MINK1: variants seen among roughly 807,000 people sequenced by gnomAD.
MINK1 encodes the protein misshapen like kinase 1, also known as misshapen-like kinase 1.
In MINK1, 46 loss-of-function variants were observed where a neutral mutation model predicts 178.4. The observed-to-expected ratio is 0.26, with a 90% CI of 0.20 to 0.33. The LOEUF is 0.33. MINK1 is among the 10% of genes least tolerant of loss of function. MINK1 has a pLI of 1.00. For synonymous variants in MINK1, 797 were observed against 709.7 expected (o/e 1.12, Z -1.96); for missense variants, 1,366 against 1,814.9 (o/e 0.75, Z 4.49).
At chr17:4,867,969 CTCTT>C (rs1915286681) in intron 1 of MINK1, among the ~76,000 whole-genome samples, 1 of 149,232 alleles carries the variant, frequency 6.7e-6, no homozygotes, top group Non-Finnish European at 1.5e-5. Flanking sequence ...TATCTTCTAG[CTCTT>C]TTTTTTTTTT....
At chr17:4,872,088 G>C (rs932982710) in intron 1 of MINK1, among the ~76,000 whole-genome samples, 1 of 152,152 alleles carries the variant, frequency 6.6e-6, no homozygotes, top group Admixed American at 6.6e-5. Context: ...CCCGCACTTT[G>C]GGAGGCCGAG....
chr17:4,892,297 C>A, intron 17 of MINK1, 63 bp downstream of exon 17: 1 of 1,501,962 alleles, frequency 6.7e-7, no homozygotes, highest in Non-Finnish European at 9.0e-7. Context: ...GTAGGGGGGG[C>A]ACAGGGACTT....
intron 1 of MINK1, among the ~76,000 whole-genome samples, chr17:4,871,936 T>C (rs1300312735): frequency 6.6e-6 from 1 of 152,102 alleles, no homozygotes; most frequent in African/African-American, 2.4e-5. Flanking sequence ...AGCCTCAAAC[T>C]CCTGGACTTA....
chr17:4,893,116 T>C, intron 20 of MINK1, 49 bp downstream of exon 20: 1 of 1,539,744 alleles, frequency 6.5e-7, no homozygotes, highest in Non-Finnish European at 8.8e-7. Flanking sequence ...GGTTTGGGGC[T>C]TAGCCTCAGG....
At chr17:4,883,681 G>C (rs200493368) in intron 4 of MINK1, among the ~76,000 whole-genome samples, 1 of 142,532 alleles carries the variant, frequency 7.0e-6, no homozygotes, top group South Asian at 2.2e-4. Context: ...ACAGGAGCCC[G>C]CCACCACGCC....
rs1436751057 is a variant in MINK1 at position 4,898,020 on chromosome 17, T to A, written c.*733T>A. Reference sequence around the variant, plus strand: ...CCCTCCTCAATGTAGTGGCCTTGGATATCCTGTTTGTTAATAAAGACAATT... The same window carrying A: ...CCCTCCTCAATGTAGTGGCCTTGGAAATCCTGTTTGTTAATAAAGACAATT... On this transcript the variant is annotated 3_prime_UTR_variant, in exon 32 of 32. Transcript: ENST00000355280. 7.1e-6 allele frequency: 1 copy of A among 140,808 alleles called. No homozygotes were observed. The highest frequency in any genetic ancestry group is 1.6e-5 in the Non-Finnish European group (1 of 64,164). 8.7% of individuals were successfully genotyped at this position (140,808 alleles called of 1,614,324 possible).
intron 1 of MINK1, chr17:4,875,644 C>G (rs1200250258): frequency 3.0e-6 from 1 of 338,974 alleles, no homozygotes; most frequent in Non-Finnish European, 5.8e-6. Flanking sequence ...TGGTGGCACA[C>G]GCCTGTAGTC....
chr17:4,835,100 G>A (rs967498915), intron 1 of MINK1, among the ~76,000 whole-genome samples: 1 of 152,190 alleles, frequency 6.6e-6, no homozygotes, highest in Admixed American at 6.5e-5. Context: ...GCACATGTGT[G>A]TGTGTTGATG....
At chr17:4,891,382 A>C (rs1968796212) in intron 15 of MINK1, 74 bp from the exon 16 acceptor site, 14 of 1,488,898 alleles carry the variant, frequency 9.4e-6, no homozygotes, top group Non-Finnish European at 1.3e-5. Flanking sequence ...GTCCTTTCCC[A>C]CCCCAGACCC....
chr17:4,888,660 C>CGTTCAGATAGTATA, intron 12 of MINK1, among the ~76,000 whole-genome samples: 1 of 149,078 alleles, frequency 6.7e-6, no homozygotes, highest in Non-Finnish European at 1.5e-5. Context: ...ATAAATATAG[C>CGTTCAGATAGTATA]GTTCAGATAG....
intron 1 of MINK1, among the ~76,000 whole-genome samples, chr17:4,841,522 C>T (rs78334839): frequency 0.023 from 3,435 of 150,834 alleles, 133 homozygotes; most frequent in African/African-American, 0.078. Flanking sequence ...CCCACAAAGC[C>T]CCCCCTCCGA....
Position 4,887,774 on chromosome 17 carries a change from G to C in MINK1, c.1214G>C (p.Arg405Pro). ...QRRIEEQKEERRRVEEQQRRE... is the reference protein window; with the variant it reads ...QRRIEEQKEEPRRVEEQQRRE... Reference sequence around the variant, plus strand: ...CGCATAGAGGAGCAGAAGGAGGAGCGGCGCCGCGTGGAGGAGGTGGGCTGT... The same window carrying C: ...CGCATAGAGGAGCAGAAGGAGGAGCCGCGCCGCGTGGAGGAGGTGGGCTGT... The change falls in exon 12 of 32, where the codon CGG becomes CCG. Residue 405 changes from arginine (R) to proline (P), a missense_variant. By Grantham distance (103) the Arg-to-Pro change is moderately radical (BLOSUM62 -2). Coordinates refer to ENST00000355280, the MANE Select transcript of MINK1 (RefSeq NM_153827.5). This position sits in a 1 kb window ranked among gnomAD's most constrained non-coding sequence, Gnocchi z 7.6. 1 of 1,522,390 alleles carries C rather than the reference G, an allele frequency of 6.6e-7. No individual in the cohort carries two copies. Among genetic ancestry groups the C allele is most frequent in the Non-Finnish European group, 8.8e-7 (1 of 1,133,062 alleles). 94.3% of individuals were successfully genotyped at this position (1,522,390 alleles called of 1,614,324 possible). A position where few individuals can be genotyped will look rare whatever the true frequency, so the allele number is the denominator to read the frequency against.
In MINK1 at chr17:4,885,835, C is replaced by T. The variant is rs527313700; in HGVS notation, c.640-76C>T. ...TGGCCCAGGAAGGCTCCTGAGAGGC[C>T]AGGATGGTGGGTGAAGAGAGGTTGC... On this transcript the variant is annotated intron_variant, in intron 7 of 31. Transcript: ENST00000355280. The surrounding 1 kb of genome is among the most constrained non-coding windows in gnomAD (Gnocchi z 5.0). The T allele has an allele frequency of 2.2e-5, 34 of 1,551,834 alleles. No homozygotes were observed. In the African/African-American group the frequency reaches 4.2e-4, roughly 19 times the overall value.
At chr17:4,878,284 T>C (rs1302052447) in intron 1 of MINK1, 33 bp from the exon 2 acceptor site, 1 of 1,530,546 alleles carries the variant, frequency 6.5e-7, no homozygotes, top group Non-Finnish European at 8.8e-7. Flanking sequence ...TTCTAAAGTC[T>C]TGACACAGTA....
intron 1 of MINK1, among the ~76,000 whole-genome samples, chr17:4,845,911 A>G (rs36064573): frequency 0.7 from 106,172 of 152,180 alleles, 38,148 homozygotes; most frequent in Non-Finnish European, 0.75. Context: ...CAAAGTGCTG[A>G]GATTGCAGGC....
chr17:4,849,193 A>C (rs1243150232), intron 1 of MINK1, among the ~76,000 whole-genome samples: 1 of 152,140 alleles, frequency 6.6e-6, no homozygotes, highest in Non-Finnish European at 1.5e-5. Context: ...GTAACTTCAA[A>C]ATCTTCTATC....
chr17:4,839,248 T>G (rs1039651158), intron 1 of MINK1, among the ~76,000 whole-genome samples: 1 of 152,162 alleles, frequency 6.6e-6, no homozygotes, highest in African/African-American at 2.4e-5. Flanking sequence ...CGGCCTAGAC[T>G]CTTTTTCTTA....
At chr17:4,881,686 C>G (rs147526644) in intron 4 of MINK1, among the ~76,000 whole-genome samples, 1 of 152,260 alleles carries the variant, frequency 6.6e-6, no homozygotes, top group Non-Finnish European at 1.5e-5. Flanking sequence ...CCAGACCCCT[C>G]CCAGAACCCC....
intron 1 of MINK1, among the ~76,000 whole-genome samples, chr17:4,834,198 T>C (rs1314104916): frequency 1.3e-5 from 2 of 152,162 alleles, no homozygotes; most frequent in Non-Finnish European, 2.9e-5. Context: ...AATCCCATGT[T>C]CAGTTTTCCC....
Sources: allele counts gnomAD v4.1 joint callset (sites outside exome capture counted in the v4.1 genomes callset), GRCh38; gene constraint gnomAD v4.1.1; non-coding constraint Gnocchi (gnomAD v3.1); transcripts MANE v1.5; gene names NCBI Gene and HGNC (gene_info 2026-07-23, HGNC 2026-07-21).